Variants in ABHD12 observed in about 807,000 individuals in gnomAD.
The protein encoded by ABHD12 is abhydrolase domain containing 12, lysophospholipase.
ABHD12 carries 43 observed loss-of-function variants against 58.3 expected under a neutral mutation model. The ratio of observed to expected loss-of-function variants is 0.74; its 90% CI spans 0.58 to 0.95. The LOEUF is 0.95. Among genes scored for constraint, ABHD12 ranks in the 40% least tolerant of loss-of-function variants. The probability of loss-of-function intolerance (pLI) is 0.00; values close to 1 mark genes in which losing one functional copy is unlikely to be tolerated. For synonymous variants in ABHD12, 219 were observed against 211.2 expected (o/e 1.04, Z -0.32); for missense variants, 539 against 537.2 (o/e 1.00, Z -0.03).
intron 1 of ABHD12, among the ~76,000 whole-genome samples, chr20:25,382,930 T>C (rs925959427): frequency 2.0e-5 from 3 of 151,686 alleles, no homozygotes; most frequent in African/African-American, 7.3e-5. Context: ...GGAAAACCAG[T>C]ACCAGTTGAG....
At chr20:25,338,794 G>A (rs1419200696) in intron 2 of ABHD12, 4 of 993,718 alleles carry the variant, frequency 4.0e-6, no homozygotes, top group Non-Finnish European at 3.6e-6. Flanking sequence ...CTTTTCCAAG[G>A]GCAGCTAGGC....
At chr20:25,340,239 CCATTA>C (rs1278932960) in intron 1 of ABHD12, among the ~76,000 whole-genome samples, 5 of 152,058 alleles carry the variant, frequency 3.3e-5, no homozygotes, top group Non-Finnish European at 7.4e-5. Context: ...TAATAACAAT[CCATTA>C]CATGTTGCTA....
At chr20:25,379,667 T>C (rs1259328570) in intron 1 of ABHD12, among the ~76,000 whole-genome samples, 1 of 152,194 alleles carries the variant, frequency 6.6e-6, no homozygotes, top group African/African-American at 2.4e-5. Context: ...ACAATTATGA[T>C]ATCATAATTA....
Position 25,302,199 on chromosome 20 carries a change from G to C in ABHD12, c.1157+20C>G. 6.2e-7 allele frequency: 1 copy of C among 1,612,634 alleles called. No homozygotes were observed. Among genetic ancestry groups the C allele is most frequent in the Non-Finnish European group, 8.5e-7 (1 of 1,179,850 alleles). On this transcript the variant is annotated intron_variant, in intron 12 of 12. Coordinates refer to ENST00000339157, the MANE Select transcript of ABHD12 (RefSeq NM_001042472.3). ...AGTGCTGCCCAGACGAAGCCCCTGGGTGGGAAGAGAATGTCTCACCTCAGT... is the reference window on the plus strand; with the variant it reads ...AGTGCTGCCCAGACGAAGCCCCTGGCTGGGAAGAGAATGTCTCACCTCAGT...
chr20:25,389,232 C>A (rs901016978), intron 1 of ABHD12, among the ~76,000 whole-genome samples: 1 of 152,144 alleles, frequency 6.6e-6, no homozygotes, highest in Non-Finnish European at 1.5e-5. Context: ...GCAAAGAGAA[C>A]AGATTAGTTT....
chr20:25,308,625 G>A (rs1165410575), intron 7 of ABHD12, 131 bp from the exon 8 acceptor site: 3 of 1,144,756 alleles, frequency 2.6e-6, no homozygotes, highest in Non-Finnish European at 2.6e-6. Flanking sequence ...ACAGAGTGGG[G>A]GAAATGGAGA....
At chr20:25,297,321 G>A (rs1024450678), downstream of ABHD12, 3 of 152,304 alleles carry the variant, frequency 2.0e-5, no homozygotes, top group African/African-American at 7.2e-5. Flanking sequence ...GAAACTAGCT[G>A]AAGCCTTTTC....
intron 1 of ABHD12, among the ~76,000 whole-genome samples, chr20:25,381,318 G>T (rs180687449): frequency 7.2e-5 from 11 of 152,296 alleles, no homozygotes; most frequent in African/African-American, 2.6e-4. Context: ...GACATCATGT[G>T]TTTCTTCATG....
chr20:25,313,169 G>A (rs2088894457), intron 6 of ABHD12, among the ~76,000 whole-genome samples: 1 of 152,230 alleles, frequency 6.6e-6, no homozygotes, highest in Non-Finnish European at 1.5e-5. Flanking sequence ...AAAAGATAGA[G>A]AAATCAGATT....
At chr20:25,336,304 G>T (rs1475421690) in intron 2 of ABHD12, among the ~76,000 whole-genome samples, 1 of 90,900 alleles carries the variant, frequency 1.1e-5, no homozygotes, top group African/African-American at 6.3e-5. Flanking sequence ...ACTATTCAGG[G>T]TTCTTTTTTT....
intron 8 of ABHD12, 123 bp downstream of exon 8, chr20:25,308,334 C>CG (rs1179031084): frequency 9.2e-6 from 12 of 1,302,858 alleles, no homozygotes; most frequent in Non-Finnish European, 1.3e-5. Flanking sequence ...TGGTCAGCCC[C>CG]GGGCCCCCCA....
At chr20:25,356,584 G>A (rs1479870782) in intron 1 of ABHD12, among the ~76,000 whole-genome samples, 2 of 152,230 alleles carry the variant, frequency 1.3e-5, no homozygotes, top group African/African-American at 2.4e-5. Context: ...CTACTGTCCA[G>A]GGTAACTGTT....
chr20:25,314,120 G>C (rs915733301), intron 6 of ABHD12, among the ~76,000 whole-genome samples: 1 of 151,970 alleles, frequency 6.6e-6, no homozygotes, highest in Non-Finnish European at 1.5e-5. Context: ...CTACAGGTGC[G>C]AGCCATTACG....
chr20:25,324,537 C>T (rs968507432), intron 2 of ABHD12, among the ~76,000 whole-genome samples: 2 of 152,206 alleles, frequency 1.3e-5, no homozygotes, highest in African/African-American at 4.8e-5. Flanking sequence ...GCAGTGTGGG[C>T]CTGGCTTCCC....
intron 1 of ABHD12, among the ~76,000 whole-genome samples, chr20:25,355,550 C>T (rs6050562): frequency 9.9e-5 from 15 of 151,732 alleles, no homozygotes; most frequent in African/African-American, 1.7e-4. Flanking sequence ...AAAGTATAAA[C>T]GGTTTTTTTT....
chr20:25,374,260 T>C (rs1015136554), intron 1 of ABHD12, among the ~76,000 whole-genome samples: 4 of 151,380 alleles, frequency 2.6e-5, no homozygotes, highest in African/African-American at 9.7e-5. Context: ...ACACCTGGCC[T>C]AGTAATGATG....
chr20:25,320,239 G>A lies in ABHD12; in HGVS notation c.502C>T (p.His168Tyr), dbSNP rs11539077. ...MWYEDALASS[H>Y]PIILYLHGNA... ...CCATGCAGGTACAGAATGATAGGGT[G>A]GCTGGAAGCCAAGGCATCCTCATAC... Residue 168 changes from histidine to tyrosine, a missense_variant, in exon 4 of 13, where the codon CAC (histidine) becomes TAC (tyrosine). His to Tyr is a moderately conservative substitution (Grantham distance 83, BLOSUM62 2). Transcript: ENST00000339157. The A allele has an allele frequency of 6.2e-7, 1 of 1,614,140 alleles. No homozygotes were observed. Among genetic ancestry groups the A allele is most frequent in the East Asian group, 2.2e-5 (1 of 44,874 alleles).
intron 1 of ABHD12, among the ~76,000 whole-genome samples, chr20:25,388,038 CAAAAA>C (rs748581834): frequency 8.6e-5 from 5 of 58,124 alleles, no homozygotes; most frequent in African/African-American, 2.9e-4. Flanking sequence ...GACTCCTTCT[CAAAAA>C]AAAAAAAAAA....
intron 1 of ABHD12, among the ~76,000 whole-genome samples, chr20:25,344,110 G>A (rs537174695): frequency 1.3e-5 from 2 of 152,204 alleles, no homozygotes; most frequent in East Asian, 3.9e-4. Flanking sequence ...GGAATAAAGG[G>A]GAACTTCCTC....
Sources: gnomAD v4.1 joint callset for allele counts (sites outside exome capture counted in the v4.1 genomes callset) on GRCh38, gnomAD v4.1.1 for gene constraint, MANE v1.5 for transcripts, NCBI Gene and HGNC (gene_info 2026-07-23, HGNC 2026-07-21) for gene names.